DLG2: variants seen among roughly 807,000 people sequenced by gnomAD.
The protein encoded by DLG2 is discs large MAGUK scaffold protein 2.
Under a neutral mutation model 132.5 loss-of-function variants are expected in DLG2, and 45 were observed. The observed-to-expected ratio is 0.34, with a 90% CI of 0.27 to 0.44. DLG2 has a LOEUF of 0.44. DLG2 is among the 20% of genes least tolerant of loss of function. The probability of loss-of-function intolerance (pLI) is 1.00; values close to 1 mark genes in which losing one functional copy is unlikely to be tolerated. For synonymous variants in DLG2, 424 were observed against 419.6 expected (o/e 1.01, Z -0.13); for missense variants, 1,045 against 1,196.9 (o/e 0.87, Z 1.87).
At chr11:84,020,330 T>C (rs2095354009) in intron 11 of DLG2, among the ~76,000 whole-genome samples, 3 of 152,150 alleles carry the variant, frequency 2.0e-5, no homozygotes, top group Admixed American at 2.0e-4. Context: ...TATATAGATA[T>C]AGATGATATG....
At chr11:84,255,889 G>A (rs1286136608) in intron 7 of DLG2, among the ~76,000 whole-genome samples, 1 of 151,678 alleles carries the variant, frequency 6.6e-6, no homozygotes, top group African/African-American at 2.4e-5. Context: ...GCCTTTTTTT[G>A]TGTTGTTTGC....
intron 3 of DLG2, among the ~76,000 whole-genome samples, chr11:85,428,404 G>T (rs948322379): frequency 1.3e-5 from 2 of 152,088 alleles, no homozygotes; most frequent in Non-Finnish European, 2.9e-5. Context: ...AAATGTAAAA[G>T]AACAAAAATT....
At chr11:84,531,420 C>A (rs1018775663) in intron 7 of DLG2, among the ~76,000 whole-genome samples, 13 of 152,194 alleles carry the variant, frequency 8.5e-5, no homozygotes, top group Non-Finnish European at 1.8e-4. Flanking sequence ...ACCAAACCTC[C>A]ATGATATGCA....
chr11:84,934,533 T>C (rs531464616), intron 6 of DLG2, among the ~76,000 whole-genome samples: 1 of 135,852 alleles, frequency 7.4e-6, no homozygotes, highest in East Asian at 2.2e-4. Context: ...TTGTTTTTTT[T>C]TTTTTTTTTT....
In DLG2 at chr11:85,576,279, T is replaced by C. The variant is rs184619087; in HGVS notation, c.40+22378A>G. On this transcript the variant is annotated intron_variant, in intron 3 of 27. Coordinates refer to ENST00000376104, the MANE Select transcript of DLG2 (RefSeq NM_001142699.3). ...AAATTTGCATACTTTAATAGGTCTA[T>C]CAATTTTAAATGATGCTGTTTTGAT... Among the ~76,000 whole-genome samples, 868 of 152,298 alleles carry C rather than the reference T, an allele frequency of 5.7e-3. 3 individuals carry two copies. Among genetic ancestry groups the C allele is most frequent in the Non-Finnish European group, 7.3e-3 (494 of 68,024 alleles).
intron 6 of DLG2, among the ~76,000 whole-genome samples, chr11:84,654,159 C>T (rs1180721851): frequency 6.6e-6 from 1 of 152,210 alleles, no homozygotes; most frequent in African/African-American, 2.4e-5. Context: ...ATTGCCACCA[C>T]AAGCAATTCA....
intron 4 of DLG2, among the ~76,000 whole-genome samples, chr11:85,233,454 A>C (rs1595578663): frequency 6.6e-6 from 1 of 151,660 alleles, no homozygotes; most frequent in South Asian, 2.1e-4. Flanking sequence ...TAGCTGTTTT[A>C]CTCCATCAGC....
rs1048506230 is a variant in DLG2 at position 84,816,519 on chromosome 11, T to C, written c.358-281788A>G. Among the ~76,000 whole-genome samples, 9 of 152,074 alleles carry C rather than the reference T, an allele frequency of 5.9e-5. No individual in the cohort carries two copies. The East Asian group carries it at 1.4e-3, about 23-fold the overall frequency. On this transcript the variant is annotated intron_variant, in intron 6 of 27. Transcript: ENST00000376104. ...GTCTAACATTTTTTGATTCATAGAA[T>C]GGTTAATAACAAAAATGGCAGCTAC... is the stretch of plus-strand genomic sequence containing the variant.
intron 18 of DLG2, among the ~76,000 whole-genome samples, chr11:83,665,282 C>T (rs1376994241): frequency 6.6e-6 from 1 of 152,252 alleles, no homozygotes; most frequent in African/African-American, 2.4e-5. Context: ...AAGCAATGGG[C>T]TGTCTTTTAT....
intron 7 of DLG2, among the ~76,000 whole-genome samples, chr11:84,260,107 C>T (rs1017401220): frequency 6.6e-6 from 1 of 152,100 alleles, no homozygotes; most frequent in African/African-American, 2.4e-5. Context: ...CTATGAATAT[C>T]CTAAAGACCT....
chr11:83,601,255 C>T (rs1262485714), intron 19 of DLG2, among the ~76,000 whole-genome samples: 1 of 152,142 alleles, frequency 6.6e-6, no homozygotes, highest in African/African-American at 2.4e-5. Flanking sequence ...GTCCTCAATG[C>T]CATGCCGAAG....
At chr11:84,109,226 G>T (rs1307173728) in intron 9 of DLG2, among the ~76,000 whole-genome samples, 1 of 152,162 alleles carries the variant, frequency 6.6e-6, no homozygotes, top group African/African-American at 2.4e-5. Flanking sequence ...AGAAAATAGG[G>T]TGGGTTATTG....
chr11:84,668,486 A>C (rs2099702245), intron 6 of DLG2, among the ~76,000 whole-genome samples: 2 of 152,172 alleles, frequency 1.3e-5, no homozygotes, highest in South Asian at 4.1e-4. Context: ...TGCCTCGTTC[A>C]CTGAATGCCC....
intron 2 of DLG2, among the ~76,000 whole-genome samples, chr11:85,605,465 T>C (rs1302105023): frequency 6.6e-6 from 1 of 152,170 alleles, no homozygotes; most frequent in Non-Finnish European, 1.5e-5. Flanking sequence ...TTGTAACATA[T>C]AAATAAAAAT....
intron 11 of DLG2, among the ~76,000 whole-genome samples, chr11:84,020,760 T>G (rs554287758): frequency 1.8e-4 from 28 of 152,298 alleles, no homozygotes; most frequent in African/African-American, 6.0e-4. Flanking sequence ...AATAATGTCT[T>G]CCATTCAGCT....
rs1171093125 is a variant in DLG2 at position 85,174,451 on chromosome 11, G to T, written c.187-19800C>A. On this transcript the variant is annotated intron_variant, in intron 4 of 27. Transcript: ENST00000376104. ...AAACAATAAAGTATCAGAATCTCTG[G>T]GAAACAACTAAAGCAGTGTTAAAAG... Among the ~76,000 whole-genome samples the T allele has an allele frequency of 2.6e-5, 4 of 152,018 alleles. No homozygotes were observed. In the East Asian group the frequency reaches 5.8e-4, roughly 22 times the overall value.
chr11:83,485,117 G>A (rs2093420354), intron 21 of DLG2, among the ~76,000 whole-genome samples: 1 of 136,516 alleles, frequency 7.3e-6, no homozygotes, highest in Non-Finnish European at 1.7e-5. Flanking sequence ...ATTCTGATCA[G>A]GTAAAAAAAG....
rs141664260 is a variant in DLG2 at position 84,248,749 on chromosome 11, C to A, written c.573+2489G>T. On this transcript the variant is annotated intron_variant, in intron 8 of 27. Transcript: ENST00000376104. ...AGGCATGGTGGTGCACTCCTGTAGT[C>A]CCAGCTACTCGGGAGGCTGAGGCAA... is the stretch of plus-strand genomic sequence containing the variant. Among the ~76,000 whole-genome samples, 64 of 152,226 alleles carry A rather than the reference C, an allele frequency of 4.2e-4. No homozygotes were observed. In the East Asian group the frequency reaches 0.011, roughly 27 times the overall value.
At chr11:84,041,675 T>C (rs1175379523) in intron 11 of DLG2, among the ~76,000 whole-genome samples, 1 of 152,030 alleles carries the variant, frequency 6.6e-6, no homozygotes, top group Non-Finnish European at 1.5e-5. Context: ...TAGGTCAATT[T>C]ACCCAATTTC....
Sources: gnomAD v4.1 joint callset for allele counts (sites outside exome capture counted in the v4.1 genomes callset) on GRCh38, gnomAD v4.1.1 for gene constraint, MANE v1.5 for transcripts, NCBI Gene and HGNC (gene_info 2026-07-23, HGNC 2026-07-21) for gene names.